Variants in CPA1 observed in about 807,000 individuals in gnomAD.
The protein encoded by CPA1 is carboxypeptidase A1, also known as carboxypeptidase A1 (pancreatic).
In CPA1, 42 loss-of-function variants were observed where a neutral mutation model predicts 48.7. The observed-to-expected ratio is 0.86, with a 90% CI of 0.67 to 1.11. The LOEUF is 1.11. CPA1 is among the 50% of genes most tolerant of loss of function. The pLI is 0.00. For missense variants in CPA1, 477 were observed against 544.7 expected (o/e 0.88, Z 1.24); for synonymous variants, 203 against 217.9 (o/e 0.93, Z 0.60).
chr7:130,384,784 T>C, intron 7 of CPA1, 158 bp downstream of exon 7: 1 of 654,812 alleles, frequency 1.5e-6, no homozygotes, highest in Non-Finnish European at 2.6e-6. Context: ...GGCTGTGCTC[T>C]GAGAGTTGGT....
intron 2 of CPA1, 101 bp from the exon 3 acceptor site, chr7:130,381,526 ACTT>A: frequency 1.3e-6 from 1 of 788,458 alleles, no homozygotes. Flanking sequence ...TTATATGAGA[ACTT>A]CTGGCACCAA....
chr7:130,384,244 C>T (rs1183337155), intron 6 of CPA1: 30 of 498,056 alleles, frequency 6.0e-5, no homozygotes, highest in African/African-American at 1.2e-4. Flanking sequence ...GCAGCTTCTT[C>T]GCCATATAGA....
At chr7:130,381,912 A>T in intron 3 of CPA1, 49 bp downstream of exon 3, 1 of 1,554,518 alleles carries the variant, frequency 6.4e-7, no homozygotes, top group South Asian at 1.1e-5. Context: ...GCTCTTCATC[A>T]TGGCTGGTAG....
At position 130,380,651 on chromosome 7, in the gene CPA1, AGAG is replaced by A. The variant is rs544431234; in HGVS notation, c.65+70_65+72del. Reference sequence around the variant, plus strand: ...GGGGAGGACTCAGCCCCCAACCAGTAGAGGAGACAGACAGACAGATACATGGCA... The same window carrying A: ...GGGGAGGACTCAGCCCCCAACCAGTAGAGACAGACAGACAGATACATGGCA... On this transcript the variant is annotated intron_variant, in intron 1 of 9. Coordinates refer to ENST00000011292, the MANE Select transcript of CPA1 (RefSeq NM_001868.4). The A allele has an allele frequency of 2.3e-3, 2,086 of 901,548 alleles. 8 individuals are homozygous for A. The highest frequency in any genetic ancestry group is 2.3e-3 in the Admixed American group (78 of 33,576). 55.8% of individuals were successfully genotyped at this position (901,548 alleles called of 1,614,324 possible). A position where few individuals can be genotyped will look rare whatever the true frequency, so the allele number is the denominator to read the frequency against.
At chr7:130,385,478 G>A in intron 8 of CPA1, 133 bp downstream of exon 8, 1 of 822,252 alleles carries the variant, frequency 1.2e-6, no homozygotes, top group South Asian at 1.6e-5. Context: ...TGATGGCTTG[G>A]GAAGACCAGC....
chr7:130,383,418 G>T lies in CPA1; in HGVS notation c.511G>T (p.Ala171Ser), dbSNP rs1554411487. The change falls in exon 5 of 10, where the codon GCC (alanine) becomes TCC (serine). Residue 171 changes from alanine to serine, a missense_variant. Coordinates refer to ENST00000011292, the MANE Select transcript of CPA1 (RefSeq NM_001868.4). ...CAGCACGGGGGGCAGTAAGCGTCCA[G>T]CCATCTGGATCGACACGGGCATCCA... ...KFSTGGSKRP[A>S]IWIDTGIHSR... The T allele has an allele frequency of 2.5e-6, 4 of 1,614,208 alleles. No homozygotes were observed. Among genetic ancestry groups the T allele is most frequent in the Non-Finnish European group, 3.4e-6 (4 of 1,180,030 alleles).
intron 4 of CPA1, 126 bp from the exon 5 acceptor site, chr7:130,383,265 A>G (rs1554411465): frequency 1.3e-6 from 1 of 761,424 alleles, no homozygotes; most frequent in African/African-American, 1.7e-5. Context: ...CCCCACAAGC[A>G]GAGCCTCTAC....
At chr7:130,385,493 G>A in intron 8 of CPA1, 148 bp downstream of exon 8, 1 of 721,066 alleles carries the variant, frequency 1.4e-6, no homozygotes, top group Non-Finnish European at 2.3e-6. Flanking sequence ...ACCAGCGGGT[G>A]GACTAACCAT....
At chr7:130,381,223 G>A in intron 2 of CPA1, 44 bp downstream of exon 2, 3 of 1,453,876 alleles carry the variant, frequency 2.1e-6, no homozygotes, top group Non-Finnish European at 2.9e-6. Flanking sequence ...CAGGGTATCA[G>A]CTGGGGCCAC....
intron 9 of CPA1, among the ~76,000 whole-genome samples, chr7:130,386,807 T>C (rs1187971615): frequency 6.6e-6 from 1 of 152,108 alleles, no homozygotes; most frequent in African/African-American, 2.4e-5. Flanking sequence ...TGATACAGTA[T>C]GTGAGGTGAC....
rs558299330 is a variant in CPA1, at chr7:130,384,469, C to T, written c.697-67C>T. The T allele has an allele frequency of 3.3e-4, 472 of 1,437,352 alleles. 1 individual carries two copies. Among genetic ancestry groups the T allele is most frequent in the South Asian group, 1.3e-3 (116 of 87,098 alleles). The allele number at this position is 1,437,352 out of a possible 1,614,324, so 89.0% of individuals were successfully genotyped here. ...CTGCTCTCTGCAGCCTCTGAACCAC[C>T]CCCCACCCAGCACTGTGACAAGCGT... is the stretch of plus-strand genomic sequence containing the variant. On this transcript the variant is annotated intron_variant, in intron 6 of 9. Coordinates refer to ENST00000011292, the MANE Select transcript of CPA1 (RefSeq NM_001868.4).
chr7:130,386,862 C>T (rs757493233), intron 9 of CPA1, among the ~76,000 whole-genome samples: 3 of 152,150 alleles, frequency 2.0e-5, no homozygotes, highest in East Asian at 3.9e-4. Context: ...TGAGGTGAAT[C>T]GGGAACACTG....
In CPA1 at chr7:130,381,661, G is replaced by T. The variant is rs374570775; in HGVS notation, c.179G>T (p.Gly60Val). Residue 60 changes from glycine to valine, a missense_variant, in exon 3 of 10, where the codon GGC becomes GTC. By Grantham distance (109) the Gly-to-Val change is moderately radical. Coordinates refer to ENST00000011292, the MANE Select transcript of CPA1 (RefSeq NM_001868.4). ...LDFWRGPAHP[G>V]SPIDVRVPFP... Reference sequence around the variant, plus strand: ...TTCTGGCGGGGGCCTGCCCACCCTGGCTCCCCCATCGACGTCCGAGTGCCC... The same window carrying T: ...TTCTGGCGGGGGCCTGCCCACCCTGTCTCCCCCATCGACGTCCGAGTGCCC... The T allele has an allele frequency of 6.2e-7, 1 of 1,613,914 alleles. No homozygotes were observed. Among genetic ancestry groups the T allele is most frequent in the Non-Finnish European group, 8.5e-7 (1 of 1,179,962 alleles).
At chr7:130,381,540 C>G in intron 2 of CPA1, 90 bp from the exon 3 acceptor site, 6 of 913,756 alleles carry the variant, frequency 6.6e-6, no homozygotes, top group Middle Eastern at 2.4e-4. Context: ...CTGGCACCAA[C>G]AGCCCCTCCC....
Position 130,388,090 on chromosome 7 carries a change from C to A in CPA1, c.*79C>A. 1 of 1,413,906 alleles carries A rather than the reference C, an allele frequency of 7.1e-7. No individual in the cohort carries two copies. The highest frequency in any genetic ancestry group is 9.9e-7 in the Non-Finnish European group (1 of 1,005,456). 87.6% of individuals were successfully genotyped at this position (1,413,906 alleles called of 1,614,324 possible). On this transcript the variant is annotated 3_prime_UTR_variant, in exon 10 of 10. Transcript: ENST00000011292. Reference sequence around the variant, plus strand: ...AAATAAAGTTTGAGTGTACCAGGAACAGAATCCTGGGGCTTGCATGTGGAG... The same window carrying A: ...AAATAAAGTTTGAGTGTACCAGGAAAAGAATCCTGGGGCTTGCATGTGGAG...
At chr7:130,382,867 T>A (rs781801834) in intron 4 of CPA1, among the ~76,000 whole-genome samples, 1 of 151,820 alleles carries the variant, frequency 6.6e-6, no homozygotes, top group Non-Finnish European at 1.5e-5. Flanking sequence ...ATGGTCTCGA[T>A]CTCCTGACCT....
chr7:130,383,270 C>G, intron 4 of CPA1, 121 bp from the exon 5 acceptor site: 1 of 773,822 alleles, frequency 1.3e-6, no homozygotes, highest in Non-Finnish European at 2.3e-6. Context: ...CAAGCAGAGC[C>G]TCTACCTGAG....
Position 130,385,291 on chromosome 7 carries a change from C to T in CPA1, c.933C>T (p.Leu311=), listed in dbSNP as rs1796460355. 1 of 1,614,230 alleles carries T rather than the reference C, an allele frequency of 6.2e-7. No individual in the cohort carries two copies. Among genetic ancestry groups the T allele is most frequent in the African/African-American group, 1.3e-5 (1 of 75,056 alleles). ...TCTCCATCCACAGCTACTCCCAGCT[C>T]CTCATGTATCCCTATGGCTACAAAA... ...AFISIHSYSQ[L]LMYPYGYKTE... Residue 311 remains leucine, a synonymous_variant, in exon 8 of 10, where the codon CTC becomes CTT. Coordinates refer to ENST00000011292, the MANE Select transcript of CPA1 (RefSeq NM_001868.4).
chr7:130,382,747 G>A (rs1328486462), intron 4 of CPA1, among the ~76,000 whole-genome samples: 1 of 150,404 alleles, frequency 6.6e-6, no homozygotes, highest in Non-Finnish European at 1.5e-5. Context: ...GGGTTCAAGC[G>A]ATTCCCCTGC....
Sources: allele counts gnomAD v4.1 joint callset (sites outside exome capture counted in the v4.1 genomes callset), GRCh38; gene constraint gnomAD v4.1.1; transcripts MANE v1.5; gene names NCBI Gene and HGNC (gene_info 2026-07-23, HGNC 2026-07-21).